CEP120: variants seen among roughly 807,000 people sequenced by gnomAD.
CEP120 encodes the protein centrosomal protein of 120 kDa.
A neutral mutation model predicts 126.5 loss-of-function variants in CEP120; 113 were observed. The ratio of observed to expected loss-of-function variants is 0.89; its 90% CI spans 0.77 to 1.04. The LOEUF is 1.04. Ranked by LOEUF, CEP120 falls within the 50% of genes least tolerant of loss-of-function variation. CEP120 has a pLI of 0.00. For synonymous variants in CEP120, 400 were observed against 394.3 expected, an observed-to-expected ratio of 1.01 and a Z score of -0.17; for missense variants, 1,230 against 1,155.7, an observed-to-expected ratio of 1.06 and a Z score of -0.93.
chr5:123,347,672 G>A (rs1441673231), intron 19 of CEP120, among the ~76,000 whole-genome samples: 1 of 152,050 alleles, frequency 6.6e-6, no homozygotes, highest in African/African-American at 2.4e-5. Flanking sequence ...TTGAGACAAG[G>A]TCTCACTCTG....
In CEP120 at chr5:123,349,995, G is replaced by A; in HGVS notation, c.2675C>T (p.Thr892Ile). 6.2e-7 allele frequency: 1 copy of A among 1,613,498 alleles called. No homozygotes were observed. The highest frequency in any genetic ancestry group is 8.5e-7 in the Non-Finnish European group (1 of 1,179,712). ...CAATTCTTGTCGCTCGGTTTTTACT[G>A]TATCTTTTTCCTCAGCGGCAAGGTA... is the stretch of plus-strand genomic sequence containing the variant. Reference protein sequence around the residue: ...LRYLAAEEKDTVKTERQELLD... With the variant: ...LRYLAAEEKDIVKTERQELLD... Residue 892 changes from threonine (T) to isoleucine (I), a missense_variant, in exon 19 of 20, where the codon ACA (threonine) becomes ATA (isoleucine). Thr to Ile is a moderately conservative substitution (Grantham distance 89, BLOSUM62 -1). Coordinates refer to ENST00000306467, the MANE Select transcript of CEP120 (RefSeq NM_001375405.1).
In CEP120 at chr5:123,382,723, A is replaced by G. The variant is rs546872053; in HGVS notation, c.2013+14T>C. 3.6e-5 allele frequency: 58 copies of G among 1,605,184 alleles called. No individual in the cohort carries two copies. In the Admixed American group the frequency reaches 9.7e-4, roughly 27 times the overall value. ...GACAAAGCAGATTTTTTAAAGTAAC[A>G]TTTAAAAAGTAACCTGATTTTCAAA... On this transcript the variant is annotated intron_variant, in intron 13 of 19. Transcript: ENST00000306467.
chr5:123,401,200 G>C (rs1469199594), intron 4 of CEP120: 6 of 1,612,568 alleles, frequency 3.7e-6, no homozygotes, highest in Non-Finnish European at 5.1e-6. Context: ...TCCAGGGCCA[G>C]CCTGACGTTC....
intron 18 of CEP120, among the ~76,000 whole-genome samples, chr5:123,355,120 A>G (rs1769491749): frequency 6.6e-6 from 1 of 151,940 alleles, no homozygotes; most frequent in Non-Finnish European, 1.5e-5. Context: ...TGAACTCATC[A>G]TTTTTTATGG....
chr5:123,390,235 C>A (rs999025057), intron 7 of CEP120, 95 bp from the exon 8 acceptor site: 4 of 949,448 alleles, frequency 4.2e-6, no homozygotes, highest in Non-Finnish European at 6.5e-6. Flanking sequence ...ATATAAGCTT[C>A]CTTTCCCAGT....
rs1465575678 is a variant in CEP120, at chr5:123,365,912, G to A, written c.2482-1318C>T. Among the ~76,000 whole-genome samples the A allele has an allele frequency of 4.0e-5, 6 of 151,116 alleles. No individual in the cohort carries two copies. The Admixed American group carries it at 4.0e-4, about 10-fold the overall frequency. On this transcript the variant is annotated intron_variant, in intron 17 of 19. Coordinates refer to ENST00000306467, the MANE Select transcript of CEP120 (RefSeq NM_001375405.1). ...GGGTTAGGCCAGAGATGAACCTAGAGGGATTACTTATACTCAATGCACCAT... is the reference window on the plus strand; with the variant it reads ...GGGTTAGGCCAGAGATGAACCTAGAAGGATTACTTATACTCAATGCACCAT...
chr5:123,377,579 G>A, intron 15 of CEP120, 44 bp from the exon 16 acceptor site: 1 of 1,439,912 alleles, frequency 6.9e-7, no homozygotes, highest in Non-Finnish European at 9.4e-7. Context: ...ATTGCTAGCT[G>A]CATTATACTA....
rs149751966 is a variant in CEP120, at chr5:123,373,228, G to A, written c.2359-456C>T. Among the ~76,000 whole-genome samples, 94 of 152,062 alleles carry A rather than the reference G, an allele frequency of 6.2e-4. No individual in the cohort carries two copies. In the East Asian group the frequency reaches 0.016, roughly 26 times the overall value. On this transcript the variant is annotated intron_variant, in intron 16 of 19. Coordinates refer to ENST00000306467, the MANE Select transcript of CEP120 (RefSeq NM_001375405.1). ...AAGTGCAAGTTATCTGCCAACCCAGGATTAGGCCCTACAGCTACAGTGAAA... is the reference window on the plus strand; with the variant it reads ...AAGTGCAAGTTATCTGCCAACCCAGAATTAGGCCCTACAGCTACAGTGAAA...
rs1234710136 is a variant in CEP120 at position 123,386,529 on chromosome 5, G to A, written c.1569C>T (p.Asp523=). ...ACTGTATGCATTACCTTAAGAAGGT[G>A]TCTTGCAGCTGATGAGGCATAGTTG... ...DFATMPHQLQ[D]TFLRIPLLVE... The change falls in exon 10 of 20, where the codon GAC becomes GAT. Residue 523 remains aspartate, a synonymous_variant. Transcript: ENST00000306467. The A allele has an allele frequency of 3.2e-6, 5 of 1,569,576 alleles. No homozygotes were observed. The highest frequency in any genetic ancestry group is 4.3e-6 in the Non-Finnish European group (5 of 1,162,178).
At chr5:123,394,104 T>G (rs1234109034) in intron 5 of CEP120, among the ~76,000 whole-genome samples, 1 of 152,240 alleles carries the variant, frequency 6.6e-6, no homozygotes, top group African/African-American at 2.4e-5. Context: ...AAATATATTT[T>G]CTAACAGACC....
chr5:123,368,753 A>G (rs1770648412), intron 17 of CEP120, among the ~76,000 whole-genome samples: 1 of 151,888 alleles, frequency 6.6e-6, no homozygotes, highest in Admixed American at 6.6e-5. Flanking sequence ...TGTCTTTTCC[A>G]CTTTCATGCT....
chr5:123,388,253 A>C (rs1772155891), intron 9 of CEP120, 179 bp downstream of exon 9: 1 of 386,468 alleles, frequency 2.6e-6, no homozygotes, highest in Admixed American at 4.3e-5. Flanking sequence ...TACCTCTCCT[A>C]CTACTATGCT....
chr5:123,354,243 A>AT (rs1769405018), intron 18 of CEP120, among the ~76,000 whole-genome samples: 1 of 152,110 alleles, frequency 6.6e-6, no homozygotes, highest in Admixed American at 6.6e-5. Flanking sequence ...ATTTCTAGCT[A>AT]AATATCACTG....
At chr5:123,400,869 G>A (rs1237978417) in intron 4 of CEP120, 2 of 1,110,896 alleles carry the variant, frequency 1.8e-6, no homozygotes, top group Non-Finnish European at 2.7e-6. Context: ...TCCCTCCCAG[G>A]CTCTGGGGCA....
At chr5:123,420,017 A>G (rs571075125) in intron 1 of CEP120, among the ~76,000 whole-genome samples, 47 of 152,180 alleles carry the variant, frequency 3.1e-4, no homozygotes, top group Non-Finnish European at 5.4e-4. Context: ...TTGTGGGGGA[A>G]GTGTAGGAAT....
chr5:123,364,830 G>A (rs1057118302), intron 17 of CEP120, among the ~76,000 whole-genome samples: 1 of 151,396 alleles, frequency 6.6e-6, no homozygotes, highest in African/African-American at 2.4e-5. Flanking sequence ...AACTGAATTA[G>A]TCTTAACCTC....
At chr5:123,388,662 A>C in intron 8 of CEP120, 56 bp from the exon 9 acceptor site, 1 of 1,368,072 alleles carries the variant, frequency 7.3e-7, no homozygotes, top group Non-Finnish European at 9.8e-7. Flanking sequence ...GTTTCTCTTA[A>C]ATTGTACAGA....
intron 4 of CEP120, among the ~76,000 whole-genome samples, chr5:123,410,470 T>G (rs74455127): frequency 2.0e-5 from 3 of 152,148 alleles, no homozygotes; most frequent in Non-Finnish European, 4.4e-5. Context: ...CAGTGTTGCA[T>G]TGACAAACAA....
At chr5:123,369,265 T>C (rs1315196731) in intron 17 of CEP120, among the ~76,000 whole-genome samples, 2 of 151,974 alleles carry the variant, frequency 1.3e-5, no homozygotes, top group African/African-American at 4.8e-5. Flanking sequence ...ATGTCCTAGG[T>C]TCTATGTTTA....
Sources: allele counts gnomAD v4.1 joint callset (sites outside exome capture counted in the v4.1 genomes callset), GRCh38; gene constraint gnomAD v4.1.1; transcripts MANE v1.5; gene names NCBI Gene and HGNC (gene_info 2026-07-23, HGNC 2026-07-21).